MYO1F: variants seen among roughly 807,000 people sequenced by gnomAD.
MYO1F encodes myosin IF.
Under a neutral mutation model 146.6 loss-of-function variants are expected in MYO1F, and 60 were observed. That is an observed-to-expected ratio of 0.41 (90% CI 0.33 to 0.51). The LOEUF is 0.51. MYO1F is among the 20% of genes least tolerant of loss of function. The pLI, the probability that MYO1F is intolerant of heterozygous loss-of-function variation, is 0.25. For synonymous variants in MYO1F, 602 were observed against 602.1 expected, an observed-to-expected ratio of 1.00 and a Z score of 0.00; for missense variants, 1,274 against 1,534.3, an observed-to-expected ratio of 0.83 and a Z score of 2.83.
intron 1 of MYO1F, among the ~76,000 whole-genome samples, chr19:8,575,488 G>A (rs2042223962): frequency 6.6e-6 from 1 of 151,918 alleles, no homozygotes; most frequent in African/African-American, 2.4e-5. Context: ...CTGAGAGGAG[G>A]TGGAGCTCGG....
intron 12 of MYO1F, among the ~76,000 whole-genome samples, chr19:8,546,056 C>CTTTTTTTTT (rs58638075): frequency 6.3e-5 from 6 of 94,942 alleles, no homozygotes; most frequent in African/African-American, 8.5e-5. Context: ...TATTTTGACT[C>CTTTTTTTTT]TTTTTTTTTT....
chr19:8,559,716 G>A (rs375813144), intron 1 of MYO1F, among the ~76,000 whole-genome samples: 7 of 152,160 alleles, frequency 4.6e-5, no homozygotes, highest in South Asian at 2.1e-4. Flanking sequence ...TTGGGAGGCC[G>A]AGGCGGGGAG....
In MYO1F at chr19:8,537,055, T is replaced by G. The variant is rs1972756640; in HGVS notation, c.1693A>C (p.Lys565Gln). ...GTGGCCACCAGGTCGTTGGCTTGTT[T>G]CTGAGGCAGAAGTGAAGACGGGTGG... ...RPSTAGSKIK[K>Q]QANDLVATLM... The change falls in exon 17 of 28, where the codon AAA (lysine) becomes CAA (glutamine). Residue 565 changes from lysine to glutamine, a missense_variant and splice_region_variant. Coordinates refer to ENST00000644032, the MANE Select transcript of MYO1F (RefSeq NM_012335.4). 6.2e-7 allele frequency: 1 copy of G among 1,608,986 alleles called. No individual in the cohort carries two copies. The highest frequency in any genetic ancestry group is 1.3e-5 in the African/African-American group (1 of 74,382).
chr19:8,566,482 A>T (rs182285052), intron 1 of MYO1F, among the ~76,000 whole-genome samples: 1,710 of 149,050 alleles, frequency 0.011, 32 homozygotes, highest in African/African-American at 0.037. Flanking sequence ...TATGCTTTTT[A>T]AAAAAAATTT....
chr19:8,568,907 C>T (rs918230840), intron 1 of MYO1F, among the ~76,000 whole-genome samples: 2 of 151,932 alleles, frequency 1.3e-5, no homozygotes, highest in Admixed American at 6.6e-5. Flanking sequence ...GGCAACAGAG[C>T]GAGACTCCAT....
chr19:8,576,903 A>C, intron 1 of MYO1F: 1 of 306,240 alleles, frequency 3.3e-6, no homozygotes, highest in Non-Finnish European at 6.2e-6. Flanking sequence ...ATCTGTGGGA[A>C]CCGGGGCCAA....
chr19:8,541,935 G>T lies in MYO1F; in HGVS notation c.1581C>A (p.Asp527Glu). 1 of 1,613,600 alleles carries T rather than the reference G, an allele frequency of 6.2e-7. No homozygotes were observed. The highest frequency in any genetic ancestry group is 8.5e-7 in the Non-Finnish European group (1 of 1,179,982). ...CACTGGTCTGCATCAGCTCTATGAG[G>T]TCGGAGAAGAGAACGTCTCGGTTCC... ...CERNRDVLFSDLIELMQTSEQ... is the reference protein window; with the variant it reads ...CERNRDVLFSELIELMQTSEQ... The change falls in exon 15 of 28, where the codon GAC becomes GAA. Residue 527 changes from aspartate to glutamate, a missense_variant. Physicochemically the swap from Asp to Glu is conservative, Grantham distance 45. Transcript: ENST00000644032.
At chr19:8,522,852 G>C (rs1213438340) in intron 25 of MYO1F, 23 bp from the exon 26 acceptor site, 1 of 1,540,120 alleles carries the variant, frequency 6.5e-7, no homozygotes. Flanking sequence ...CAAGGATGAA[G>C]ACATGTATTA....
intron 4 of MYO1F, among the ~76,000 whole-genome samples, chr19:8,553,918 T>TCTCTCTCTCTCG (rs1568361665): frequency 1.4e-5 from 2 of 145,080 alleles, no homozygotes; most frequent in South Asian, 2.1e-4. Context: ...TCTCTCTCTC[T>TCTCTCTCTCTCG]CTCTCGCTCT....
chr19:8,574,022 C>A (rs888650688), intron 1 of MYO1F, among the ~76,000 whole-genome samples: 92 of 152,248 alleles, frequency 6.0e-4, no homozygotes, highest in African/African-American at 2.2e-3. Context: ...CAATAAACTA[C>A]CAGCAGCAAA....
At chr19:8,554,325 A>G (rs1368038187) in intron 4 of MYO1F, 152 bp downstream of exon 4, 11 of 767,342 alleles carry the variant, frequency 1.4e-5, no homozygotes, top group Non-Finnish European at 1.6e-5. Flanking sequence ...CGTGAGTCAG[A>G]TGGTGACAAG....
In MYO1F at chr19:8,526,445, A is replaced by G; in HGVS notation, c.2770+8T>C. 1 of 1,553,594 alleles carries G rather than the reference A, an allele frequency of 6.4e-7. No individual in the cohort carries two copies. Among genetic ancestry groups the G allele is most frequent in the Non-Finnish European group, 8.7e-7 (1 of 1,148,514 alleles). On this transcript the variant is annotated splice_region_variant and intron_variant, in intron 24 of 27. Transcript: ENST00000644032. ...CGCCCCCTCTGCCCTAGTTCCGCGC[A>G]GACTCACTGGAGCTCTTGGGCAGCC...
chr19:8,570,598 C>A (rs1466404440), intron 1 of MYO1F, among the ~76,000 whole-genome samples: 2 of 151,976 alleles, frequency 1.3e-5, no homozygotes, highest in Admixed American at 6.6e-5. Context: ...AACTCCTGAC[C>A]CCAAGTGATC....
chr19:8,527,725 G>C (rs923991809), intron 21 of MYO1F, among the ~76,000 whole-genome samples: 1 of 152,178 alleles, frequency 6.6e-6, no homozygotes, highest in African/African-American at 2.4e-5. Context: ...TGATCCACCT[G>C]CCTCAGCCTC....
At chr19:8,555,457 G>A (rs1973809619) in intron 2 of MYO1F, 2 of 577,162 alleles carry the variant, frequency 3.5e-6, no homozygotes, top group Admixed American at 5.9e-5. Flanking sequence ...CGCTGGGGCT[G>A]AGCTTCCCCA....
chr19:8,544,639 T>C (rs757350895), intron 13 of MYO1F, among the ~76,000 whole-genome samples, 175 bp from the exon 14 acceptor site: 13 of 149,930 alleles, frequency 8.7e-5, no homozygotes, highest in Non-Finnish European at 1.6e-4. Context: ...GTTGCAGGGG[T>C]CAGGGATGGA....
intron 4 of MYO1F, among the ~76,000 whole-genome samples, chr19:8,553,894 A>ACACTCTCTCTCTCTCTCT: frequency 3.1e-4 from 32 of 102,668 alleles, no homozygotes; most frequent in South Asian, 1.3e-3. Flanking sequence ...ACACACACAC[A>ACACTCTCTCTCTCTCTCT]CTCTCTCTCT....
Position 8,522,808 on chromosome 19 carries a change from G to A in MYO1F, c.2876C>T (p.Pro959Leu), listed in dbSNP as rs1568328870. 1.9e-6 allele frequency: 3 copies of A among 1,584,556 alleles called. No homozygotes were observed. Among genetic ancestry groups the A allele is most frequent in the Non-Finnish European group, 2.6e-6 (3 of 1,168,518 alleles). Residue 959 changes from proline to leucine, a missense_variant, in exon 26 of 28, where the codon CCC (proline) becomes CTC (leucine). Transcript: ENST00000644032. The stretch of plus-strand genomic sequence containing the variant: ...CAGGGGGCCCCCTCTGGCAGAGGGG[G>A]GCACCCCATTGCGATCCATGCCTGT... ...PPRGMDRNGV[P>L]PSARGGPLPL...
intron 2 of MYO1F, 42 bp from the exon 3 acceptor site, chr19:8,554,785 T>C: frequency 6.4e-7 from 1 of 1,565,554 alleles, no homozygotes; most frequent in Non-Finnish European, 8.8e-7. Flanking sequence ...TGGTAGGTTT[T>C]GTCCTCCCTG....
Sources: allele counts gnomAD v4.1 joint callset (sites outside exome capture counted in the v4.1 genomes callset), GRCh38; gene constraint gnomAD v4.1.1; transcripts MANE v1.5; gene names NCBI Gene and HGNC (gene_info 2026-07-23, HGNC 2026-07-21).